The following TMX3 variants were observed in gnomAD, a reference collection of about 807,000 sequenced individuals.
TMX3 encodes protein disulfide-isomerase TMX3.
Under a neutral mutation model 64.4 loss-of-function variants are expected in TMX3, and 40 were observed. That is an observed-to-expected ratio of 0.62 (90% CI 0.48 to 0.81). The LOEUF (loss-of-function observed/expected upper bound fraction) is 0.81, where lower values mean the gene tolerates loss of function less well. Among genes scored for constraint, TMX3 ranks in the 30% least tolerant of loss-of-function variants. The pLI, the probability that TMX3 is intolerant of heterozygous loss-of-function variation, is 0.00. For synonymous variants in TMX3, 189 were observed against 175.7 expected, an observed-to-expected ratio of 1.08 and a Z score of -0.60; for missense variants, 497 against 534.5, an observed-to-expected ratio of 0.93 and a Z score of 0.69.
At chr18:68,694,173 C>T (rs1012967834) in intron 8 of TMX3, among the ~76,000 whole-genome samples, 1 of 152,142 alleles carries the variant, frequency 6.6e-6, no homozygotes, top group Non-Finnish European at 1.5e-5. Context: ...CTGAAACATA[C>T]CCCCCAGTCA....
chr18:68,683,017 G>A (rs746738734), intron 12 of TMX3, 36 bp from the exon 13 acceptor site: 2 of 1,578,296 alleles, frequency 1.3e-6, no homozygotes, highest in Non-Finnish European at 1.7e-6. Flanking sequence ...TAAATAAAAG[G>A]AGAGGGGGTG....
chr18:68,704,633 T>C (rs895018661), intron 4 of TMX3, among the ~76,000 whole-genome samples: 1 of 152,228 alleles, frequency 6.6e-6, no homozygotes, highest in Non-Finnish European at 1.5e-5. Flanking sequence ...TACTTTTTCA[T>C]ATTAGAGAGA....
At chr18:68,684,401 G>A (rs1839733682) in intron 11 of TMX3, 27 bp downstream of exon 11, 1 of 1,601,084 alleles carries the variant, frequency 6.2e-7, no homozygotes, top group South Asian at 1.1e-5. Flanking sequence ...AACATTTGAA[G>A]CTTAAAACTA....
At chr18:68,713,794 A>T in intron 2 of TMX3, 52 bp downstream of exon 2, 1 of 898,832 alleles carries the variant, frequency 1.1e-6, no homozygotes, top group Non-Finnish European at 1.6e-6. Flanking sequence ...ATATTCAGAT[A>T]TCTGAGTTGG....
At chr18:68,698,057 A>C (rs775193236) in intron 6 of TMX3, 26 bp from the exon 7 acceptor site, 1 of 1,487,660 alleles carries the variant, frequency 6.7e-7, no homozygotes, top group Non-Finnish European at 9.3e-7. Flanking sequence ...ACAAAAAACA[A>C]ACTTGAATTA....
At chr18:68,709,786 T>C (rs765757918) in intron 4 of TMX3, among the ~76,000 whole-genome samples, 1 of 151,256 alleles carries the variant, frequency 6.6e-6, no homozygotes, top group Non-Finnish European at 1.5e-5. Context: ...CCATCTGAAG[T>C]GGGCTCAAAG....
In TMX3 at chr18:68,675,503, G is replaced by A. The variant is rs1912853214; in HGVS notation, c.*1430C>T. ...TTAGTACGGCATTAGAAACAACAGA[G>A]GGCTGTCCTTGATGACTAAATCCCT... On this transcript the variant is annotated 3_prime_UTR_variant, in exon 16 of 16. Coordinates refer to ENST00000299608, the MANE Select transcript of TMX3 (RefSeq NM_019022.5). 1 of 152,066 alleles carries A rather than the reference G, an allele frequency of 6.6e-6. No homozygotes were observed. The highest frequency in any genetic ancestry group is 2.4e-5 in the African/African-American group (1 of 41,394). 9.4% of individuals were successfully genotyped at this position (152,066 alleles called of 1,614,324 possible).
intron 15 of TMX3, among the ~76,000 whole-genome samples, chr18:68,678,549 A>C (rs1406847753): frequency 6.6e-6 from 1 of 152,146 alleles, no homozygotes; most frequent in African/African-American, 2.4e-5. Flanking sequence ...GGAAAGGAGA[A>C]TGTCAAGGAA....
intron 4 of TMX3, among the ~76,000 whole-genome samples, chr18:68,708,708 T>C (rs2030970602): frequency 6.6e-6 from 1 of 152,162 alleles, no homozygotes; most frequent in South Asian, 2.1e-4. Flanking sequence ...TTCACAAAAA[T>C]GTGTATTACC....
At chr18:68,679,422 T>A (rs1171776277) in intron 15 of TMX3, 41 bp downstream of exon 15, 2 of 1,521,588 alleles carry the variant, frequency 1.3e-6, no homozygotes, top group Admixed American at 3.7e-5. Flanking sequence ...AAAGAACCTA[T>A]ATCTTCTTCA....
Position 68,679,449 on chromosome 18 carries a change from C to T in TMX3, c.1104+14G>A, listed in dbSNP as rs200414058. ...TCTTCTTCATTATCAATGACATAAACTGTCACAACTTACCACAATAGTAGA... is the reference window on the plus strand; with the variant it reads ...TCTTCTTCATTATCAATGACATAAATTGTCACAACTTACCACAATAGTAGA... On this transcript the variant is annotated intron_variant, in intron 15 of 15. Coordinates refer to ENST00000299608, the MANE Select transcript of TMX3 (RefSeq NM_019022.5). The T allele has an allele frequency of 1.3e-6, 2 of 1,599,892 alleles. No individual in the cohort carries two copies. The highest frequency in any genetic ancestry group is 2.2e-5 in the East Asian group (1 of 44,562).
intron 4 of TMX3, among the ~76,000 whole-genome samples, chr18:68,706,874 C>A (rs1453186732): frequency 2.0e-5 from 3 of 152,184 alleles, no homozygotes; most frequent in Non-Finnish European, 4.4e-5. Context: ...ACTTCTTTAA[C>A]ACTAGGAAGA....
intron 14 of TMX3, among the ~76,000 whole-genome samples, chr18:68,680,564 T>C (rs1406710208): frequency 3.3e-5 from 5 of 152,210 alleles, no homozygotes; most frequent in Non-Finnish European, 7.3e-5. Context: ...GCAGATTTTC[T>C]TAGAAAACCA....
chr18:68,703,584 A>G (rs927288041), intron 4 of TMX3, among the ~76,000 whole-genome samples: 1 of 152,176 alleles, frequency 6.6e-6, no homozygotes, highest in African/African-American at 2.4e-5. Context: ...AGTTAACATT[A>G]ACCTTCGCTT....
rs2031705748 is a variant in TMX3, at chr18:68,714,568, A to G, written c.46+368T>C. The G allele has an allele frequency of 1.2e-5, 4 of 332,190 alleles. No individual in the cohort carries two copies. The Admixed American group carries it at 1.5e-4, about 13-fold the overall frequency. The allele number at this position is 332,190 out of a possible 1,614,324, so 20.6% of individuals were successfully genotyped here. A position where few individuals can be genotyped will look rare whatever the true frequency, so the allele number is the denominator to read the frequency against. On this transcript the variant is annotated intron_variant, in intron 1 of 15. Coordinates refer to ENST00000299608, the MANE Select transcript of TMX3 (RefSeq NM_019022.5). ...GGTGGTAAAAATCCTTAAACGTGAC[A>G]AGACTCGGAACCTAAAGCCAAGGCA...
At chr18:68,686,874 A>G (rs1319382169) in intron 10 of TMX3, 13 of 985,186 alleles carry the variant, frequency 1.3e-5, no homozygotes, top group Non-Finnish European at 1.6e-5. Context: ...ATATCCCCCA[A>G]AACGTTACAA....
chr18:68,681,141 A>G (rs1377990527), intron 13 of TMX3, 31 bp from the exon 14 acceptor site: 1 of 1,507,650 alleles, frequency 6.6e-7, no homozygotes, highest in Non-Finnish European at 8.9e-7. Context: ...CAAAATATAC[A>G]TTAAACACAG....
intron 4 of TMX3, among the ~76,000 whole-genome samples, chr18:68,708,017 GTATATA>G (rs1379077758): frequency 2.3e-5 from 3 of 127,772 alleles, no homozygotes; most frequent in African/African-American, 1.4e-4. Context: ...GTGTATATGT[GTATATA>G]TGTGTATATG....
intron 1 of TMX3, among the ~76,000 whole-genome samples, 198 bp downstream of exon 1, chr18:68,714,738 G>A (rs1435884296): frequency 6.6e-6 from 1 of 152,234 alleles, no homozygotes; most frequent in African/African-American, 2.4e-5. Context: ...GCACAGCGGC[G>A]GCGGAAGGAC....
Sources: gnomAD v4.1 joint callset for allele counts (sites outside exome capture counted in the v4.1 genomes callset) on GRCh38, gnomAD v4.1.1 for gene constraint, MANE v1.5 for transcripts, NCBI Gene and HGNC (gene_info 2026-07-23, HGNC 2026-07-21) for gene names.